ZFHX3: variants seen among roughly 807,000 people sequenced by gnomAD.
ZFHX3 encodes zinc finger homeobox protein 3.
In ZFHX3, 42 loss-of-function variants were observed where a neutral mutation model predicts 279.1. That is an observed-to-expected ratio of 0.15 (90% CI 0.12 to 0.19). The LOEUF (loss-of-function observed/expected upper bound fraction) is 0.19. Among genes scored for constraint, ZFHX3 ranks in the 10% least tolerant of loss-of-function variants. ZFHX3 has a pLI of 1.00. For synonymous variants in ZFHX3, 2,293 were observed against 1,957.8 expected (o/e 1.17, Z -4.52); for missense variants, 4,981 against 4,754.0 (o/e 1.05, Z -1.40).
chr16:73,484,397 A>G (rs143499713), intron 2 of ZFHX3, among the ~76,000 whole-genome samples: 59 of 152,268 alleles, frequency 3.9e-4, no homozygotes, highest in Middle Eastern at 3.4e-3. Context: ...CCCCGAACTC[A>G]TGCCGAAAAG....
intron 1 of ZFHX3, among the ~76,000 whole-genome samples, chr16:72,982,943 A>G (rs1313427040): frequency 1.3e-5 from 2 of 152,216 alleles, no homozygotes; most frequent in Non-Finnish European, 2.9e-5. Context: ...ATGTCAACGC[A>G]GAGTTCAGGT....
intron 3 of ZFHX3, among the ~76,000 whole-genome samples, chr16:73,399,627 C>T (rs2017205937): frequency 6.6e-6 from 1 of 152,154 alleles, no homozygotes; most frequent in Admixed American, 6.5e-5. Context: ...TGCAGCCAAT[C>T]TCCCTGCACG....
intron 4 of ZFHX3, among the ~76,000 whole-genome samples, chr16:73,316,737 G>C (rs968207218): frequency 3.9e-5 from 6 of 152,016 alleles, no homozygotes; most frequent in Non-Finnish European, 7.4e-5. Flanking sequence ...ACTTCCAAAC[G>C]GTTGCTATAC....
intron 8 of ZFHX3, among the ~76,000 whole-genome samples, chr16:73,066,401 C>T (rs1232685730): frequency 6.6e-6 from 1 of 152,200 alleles, no homozygotes; most frequent in African/African-American, 2.4e-5. Flanking sequence ...CCCTAATGCC[C>T]GGCACACCCA....
chr16:73,788,315 G>A (rs775018873), intron 1 of ZFHX3, among the ~76,000 whole-genome samples: 47 of 152,278 alleles, frequency 3.1e-4, no homozygotes, highest in Middle Eastern at 3.4e-3. Context: ...AGCATTCAGT[G>A]GATAAAGGTC....
intron 1 of ZFHX3, among the ~76,000 whole-genome samples, chr16:73,054,943 C>T (rs993800162): frequency 1.3e-5 from 2 of 152,046 alleles, no homozygotes; most frequent in Non-Finnish European, 2.9e-5. Flanking sequence ...GTGTTGCTTG[C>T]AGCCATCTTC....
intron 2 of ZFHX3, among the ~76,000 whole-genome samples, chr16:73,480,972 C>T (rs892253771): frequency 6.6e-6 from 1 of 152,202 alleles, no homozygotes; most frequent in Non-Finnish European, 1.5e-5. Context: ...TGCAAAGACA[C>T]GTCAAGGACT....
chr16:73,719,540 C>G (rs1457658314), intron 1 of ZFHX3, among the ~76,000 whole-genome samples: 6 of 152,164 alleles, frequency 3.9e-5, no homozygotes, highest in Non-Finnish European at 8.8e-5. Context: ...AAGACTCTTA[C>G]AATTACACCA....
At chr16:73,623,644 T>C (rs1267238395) in intron 2 of ZFHX3, among the ~76,000 whole-genome samples, 2 of 152,218 alleles carry the variant, frequency 1.3e-5, no homozygotes, top group East Asian at 1.9e-4. Flanking sequence ...CAAATGTGCA[T>C]GTGAAAAATC....
chr16:73,126,350 G>A (rs1207493582), intron 7 of ZFHX3, among the ~76,000 whole-genome samples: 1 of 152,194 alleles, frequency 6.6e-6, no homozygotes, highest in Non-Finnish European at 1.5e-5. Flanking sequence ...GGGCTTGAAT[G>A]AGGATGATAG....
At chr16:73,149,259 A>C (rs925429132) in intron 5 of ZFHX3, among the ~76,000 whole-genome samples, 2 of 147,780 alleles carry the variant, frequency 1.4e-5, no homozygotes, top group Admixed American at 6.8e-5. Flanking sequence ...TTATATTATA[A>C]TATTATTTTA....
chr16:73,844,843 T>C (rs1474907422), intron 1 of ZFHX3, among the ~76,000 whole-genome samples: 3 of 145,464 alleles, frequency 2.1e-5, no homozygotes, highest in South Asian at 2.1e-4. Context: ...ATGGATGGGA[T>C]TGATAGATGG....
At chr16:73,487,473 T>A (rs1408107975) in intron 2 of ZFHX3, 7 of 441,850 alleles carry the variant, frequency 1.6e-5, no homozygotes, top group South Asian at 1.1e-4. Context: ...TGATTATGGC[T>A]CCTTGCAGCC....
intron 3 of ZFHX3, among the ~76,000 whole-genome samples, chr16:73,429,338 A>G (rs2017869450): frequency 6.6e-6 from 1 of 152,024 alleles, no homozygotes; most frequent in African/African-American, 2.4e-5. Context: ...TCAGATATAT[A>G]TATAATTTTT....
At chr16:73,837,436 C>T (rs890536197) in intron 1 of ZFHX3, among the ~76,000 whole-genome samples, 1 of 152,116 alleles carries the variant, frequency 6.6e-6, no homozygotes, top group Admixed American at 6.6e-5. Flanking sequence ...ATCCTGGAGA[C>T]AAAAAGTGTT....
chr16:73,319,062 A>G (rs538456033), intron 3 of ZFHX3, among the ~76,000 whole-genome samples: 244 of 149,590 alleles, frequency 1.6e-3, no homozygotes, highest in South Asian at 3.6e-3. Context: ...TCAGCAGTAA[A>G]TACCATGGAG....
At chr16:73,600,042 G>A (rs370143039) in intron 2 of ZFHX3, among the ~76,000 whole-genome samples, 1 of 152,136 alleles carries the variant, frequency 6.6e-6, no homozygotes. Flanking sequence ...CTTTGGATAC[G>A]GAGCATCTTA....
intron 3 of ZFHX3, among the ~76,000 whole-genome samples, chr16:73,410,159 T>C (rs2017438046): frequency 6.6e-6 from 1 of 152,202 alleles, no homozygotes; most frequent in African/African-American, 2.4e-5. Context: ...CTCACACCTG[T>C]AATCCCAGCA....
At chr16:73,677,069 T>A (rs2052962385) in intron 2 of ZFHX3, among the ~76,000 whole-genome samples, 3 of 152,136 alleles carry the variant, frequency 2.0e-5, no homozygotes, top group African/African-American at 7.2e-5. Flanking sequence ...TATAATTAGT[T>A]AATTCTCTAT....
Sources: allele counts gnomAD v4.1 joint callset (sites outside exome capture counted in the v4.1 genomes callset), GRCh38; gene constraint gnomAD v4.1.1; transcripts MANE v1.5; gene names NCBI Gene and HGNC (gene_info 2026-07-23, HGNC 2026-07-21).